The following CSTPP1 variants were observed in gnomAD, a reference collection of about 807,000 sequenced individuals.
CSTPP1 encodes the protein UPF0705 protein C11orf49.
chr11:46,951,419 C>T, the CSTPP1 span, among the ~76,000 whole-genome samples: 1 of 151,796 alleles, frequency 6.6e-6, no homozygotes, highest in Non-Finnish European at 1.5e-5. Flanking sequence ...ACCTCAGCCT[C>T]CCAGGTAGCT....
chr11:47,038,281 T>G, the CSTPP1 span, among the ~76,000 whole-genome samples: 8 of 91,400 alleles, frequency 8.8e-5, no homozygotes, highest in South Asian at 4.3e-4. Flanking sequence ...GGCGGGGGGC[T>G]GACCCCCCCA....
the CSTPP1 span, among the ~76,000 whole-genome samples, chr11:47,125,179 T>C: frequency 9.2e-5 from 14 of 152,284 alleles, no homozygotes; most frequent in South Asian, 2.7e-3. Context: ...AAGACAAAGG[T>C]AGATTCATCT....
At chr11:47,079,390 C>A in the CSTPP1 span, among the ~76,000 whole-genome samples, 2 of 152,160 alleles carry the variant, frequency 1.3e-5, no homozygotes, top group Admixed American at 1.3e-4. Context: ...TGATGCAGAT[C>A]GCAAAACTGG....
At chr11:47,085,860 C>T in the CSTPP1 span, among the ~76,000 whole-genome samples, 6 of 148,376 alleles carry the variant, frequency 4.0e-5, no homozygotes, top group African/African-American at 2.5e-5. Flanking sequence ...GTCTGGGTGA[C>T]GAGTGAAACT....
At chr11:47,040,809 C>T in the CSTPP1 span, among the ~76,000 whole-genome samples, 3 of 126,980 alleles carry the variant, frequency 2.4e-5, 1 homozygote, top group Non-Finnish European at 5.6e-5. Flanking sequence ...TCACTCAGAA[C>T]TCTGAACACA....
At chr11:47,107,434 C>T in the CSTPP1 span, among the ~76,000 whole-genome samples, 1 of 152,160 alleles carries the variant, frequency 6.6e-6, no homozygotes, top group South Asian at 2.1e-4. Context: ...TATGAGGTCC[C>T]ATTACCTACA....
the CSTPP1 span, among the ~76,000 whole-genome samples, chr11:46,963,218 G>A: frequency 6.6e-6 from 1 of 151,478 alleles, no homozygotes; most frequent in African/African-American, 2.4e-5. Flanking sequence ...AGCACATTTT[G>A]TCTTTTGCCA....
At chr11:47,105,383 C>T in the CSTPP1 span, among the ~76,000 whole-genome samples, 1 of 152,110 alleles carries the variant, frequency 6.6e-6, no homozygotes, top group East Asian at 1.9e-4. Context: ...AGCCTGTATT[C>T]CCAGCTACTC....
At chr11:46,938,081 TC>T in the CSTPP1 span, among the ~76,000 whole-genome samples, 1 of 150,724 alleles carries the variant, frequency 6.6e-6, no homozygotes, top group Non-Finnish European at 1.5e-5. Context: ...ACCATGTTGG[TC>T]AGGCTGGTCT....
the CSTPP1 span, among the ~76,000 whole-genome samples, chr11:46,995,385 A>G: frequency 2.6e-5 from 4 of 152,042 alleles, no homozygotes; most frequent in Admixed American, 1.3e-4. Flanking sequence ...TCAGTTTTAG[A>G]TCTTTCCTGC....
At chr11:47,090,017 T>C in the CSTPP1 span, among the ~76,000 whole-genome samples, 115 of 152,326 alleles carry the variant, frequency 7.5e-4, no homozygotes, top group Non-Finnish European at 1.4e-3. Flanking sequence ...GTTTCGCTTT[T>C]GTTGCCTAAG....
the CSTPP1 span, chr11:47,161,269 ACAC>A: frequency 4.3e-6 from 7 of 1,611,080 alleles, no homozygotes; most frequent in South Asian, 2.2e-5. Context: ...TCTGGGGCCA[ACAC>A]CACTTGTCTG....
the CSTPP1 span, among the ~76,000 whole-genome samples, chr11:47,064,139 A>G: frequency 1.3e-5 from 2 of 152,168 alleles, no homozygotes; most frequent in African/African-American, 4.8e-5. Flanking sequence ...AGGAGTATCT[A>G]TTCAAGCCCT....
the CSTPP1 span, among the ~76,000 whole-genome samples, chr11:47,133,496 G>A: frequency 6.6e-6 from 1 of 152,232 alleles, no homozygotes; most frequent in African/African-American, 2.4e-5. Context: ...GGTGGGTGGG[G>A]ATGAGAGACC....
chr11:47,053,494 C>T, the CSTPP1 span, among the ~76,000 whole-genome samples: 1 of 151,766 alleles, frequency 6.6e-6, no homozygotes. Context: ...TGGCGCACTC[C>T]TATAATCCCA....
At chr11:47,083,390 C>T in the CSTPP1 span, among the ~76,000 whole-genome samples, 1,121 of 152,250 alleles carry the variant, frequency 7.4e-3, 7 homozygotes, top group Non-Finnish European at 9.5e-3. Context: ...TTTTGGCTAT[C>T]ATGAATAATG....
At chr11:47,077,629 T>C in the CSTPP1 span, among the ~76,000 whole-genome samples, 4 of 152,124 alleles carry the variant, frequency 2.6e-5, no homozygotes, top group Admixed American at 2.0e-4. Context: ...AATTATGAGA[T>C]CTAGCATCAA....
At chr11:47,030,559 G>A in the CSTPP1 span, among the ~76,000 whole-genome samples, 65 of 152,160 alleles carry the variant, frequency 4.3e-4, no homozygotes, top group African/African-American at 1.4e-3. Context: ...ACTTGTGCAG[G>A]TTTGTTACAT....
chr11:47,153,045 A>C, the CSTPP1 span, among the ~76,000 whole-genome samples: 1 of 151,898 alleles, frequency 6.6e-6, no homozygotes, highest in Non-Finnish European at 1.5e-5. Flanking sequence ...GGGGGAGCTC[A>C]CTCTTCCTCT....
Sources: gnomAD v4.1 joint callset for allele counts (sites outside exome capture counted in the v4.1 genomes callset) on GRCh38, gnomAD v4.1.1 for gene constraint, MANE v1.5 for transcripts, NCBI Gene and HGNC (gene_info 2026-07-23, HGNC 2026-07-21) for gene names.